Variants in CADM2 observed in about 807,000 individuals in gnomAD.
CADM2 encodes the protein immunoglobulin superfamily member 4D.
Under a neutral mutation model 49.8 loss-of-function variants are expected in CADM2, and 12 were observed. That is an observed-to-expected ratio of 0.24 (90% CI 0.15 to 0.39). The LOEUF is 0.39. Among genes scored for constraint, CADM2 ranks in the 10% least tolerant of loss-of-function variants. The pLI is 1.00. For missense variants in CADM2, 378 were observed against 492.3 expected, an observed-to-expected ratio of 0.77 and a Z score of 2.20; for synonymous variants, 214 against 175.4, an observed-to-expected ratio of 1.22 and a Z score of -1.74.
intron 1 of CADM2, among the ~76,000 whole-genome samples, chr3:85,672,107 C>A (rs1374521779): frequency 6.6e-6 from 1 of 150,688 alleles, no homozygotes; most frequent in African/African-American, 2.4e-5. Context: ...TTGGAAGTCT[C>A]ATATAGTTAT....
intron 2 of CADM2, among the ~76,000 whole-genome samples, chr3:85,743,932 A>G (rs1309796688): frequency 6.6e-6 from 1 of 152,188 alleles, no homozygotes; most frequent in Non-Finnish European, 1.5e-5. Context: ...AATAATTATT[A>G]GGCAAGTTCT....
intron 1 of CADM2, among the ~76,000 whole-genome samples, chr3:85,469,746 C>T (rs1170416076): frequency 1.3e-5 from 2 of 152,110 alleles, no homozygotes; most frequent in Non-Finnish European, 2.9e-5. Flanking sequence ...AACTCCTGTC[C>T]TTCCAAGTAG....
intron 1 of CADM2, among the ~76,000 whole-genome samples, chr3:85,676,128 G>T (rs1025949352): frequency 3.3e-5 from 5 of 152,166 alleles, no homozygotes; most frequent in Non-Finnish European, 7.3e-5. Flanking sequence ...CCCATTGATA[G>T]GGTCTGTTGC....
chr3:85,143,713 A>T (rs892545732), intron 1 of CADM2, among the ~76,000 whole-genome samples: 1 of 152,062 alleles, frequency 6.6e-6, no homozygotes, highest in Middle Eastern at 3.2e-3. Flanking sequence ...AAAAAAGTAA[A>T]TTCTCATCTT....
At chr3:85,818,629 C>T (rs533751554) in intron 3 of CADM2, among the ~76,000 whole-genome samples, 1 of 152,176 alleles carries the variant, frequency 6.6e-6, no homozygotes, top group South Asian at 2.1e-4. Flanking sequence ...TTGCTTCTGC[C>T]ATTGAATAGC....
In CADM2 at chr3:85,469,273, A is replaced by G. The variant is rs183161315; in HGVS notation, c.62-257249A>G. The stretch of plus-strand genomic sequence containing the variant: ...CAAATTATCTGTGGAAATGGGCAAA[A>G]GTGGTGCAGTAATTTAAAATCAAAT... On this transcript the variant is annotated intron_variant, in intron 1 of 9. Coordinates refer to ENST00000383699, the MANE Select transcript of CADM2 (RefSeq NM_001167675.2). 2.0e-5 allele frequency among the ~76,000 whole-genome samples: 3 copies of G among 152,304 alleles called. No individual in the cohort carries two copies. In the East Asian group the frequency reaches 5.8e-4, roughly 29 times the overall value.
At chr3:85,186,471 A>C (rs2041067773) in intron 1 of CADM2, among the ~76,000 whole-genome samples, 1 of 152,146 alleles carries the variant, frequency 6.6e-6, no homozygotes, top group South Asian at 2.1e-4. Context: ...GATACATTTT[A>C]ACCTTTTCAG....
At chr3:85,568,324 G>A (rs1341070486) in intron 1 of CADM2, among the ~76,000 whole-genome samples, 1 of 152,076 alleles carries the variant, frequency 6.6e-6, no homozygotes, top group Non-Finnish European at 1.5e-5. Context: ...TAGTTTATAG[G>A]GTAGAAGTAG....
At chr3:86,019,932 T>G (rs1577971525) in intron 8 of CADM2, among the ~76,000 whole-genome samples, 1 of 152,062 alleles carries the variant, frequency 6.6e-6, no homozygotes, top group Admixed American at 6.5e-5. Context: ...TTAAAAGAAC[T>G]AGAAAAGCAA....
At chr3:85,065,798 A>T (rs899562890) in intron 1 of CADM2, among the ~76,000 whole-genome samples, 2 of 152,212 alleles carry the variant, frequency 1.3e-5, no homozygotes, top group African/African-American at 4.8e-5. Flanking sequence ...AAGTGTGTAT[A>T]CCACAGACTC....
intron 8 of CADM2, among the ~76,000 whole-genome samples, chr3:86,040,192 G>A (rs1456190963): frequency 1.3e-5 from 2 of 152,042 alleles, no homozygotes; most frequent in East Asian, 1.9e-4. Flanking sequence ...TCCTCCAAAG[G>A]AACACACCTC....
At chr3:85,390,109 C>A (rs2034447718) in intron 1 of CADM2, among the ~76,000 whole-genome samples, 1 of 151,838 alleles carries the variant, frequency 6.6e-6, no homozygotes, top group African/African-American at 2.4e-5. Context: ...AATGGTTTGG[C>A]TTATACATTT....
chr3:85,984,317 T>A (rs1727832742), intron 8 of CADM2, among the ~76,000 whole-genome samples: 2 of 151,260 alleles, frequency 1.3e-5, no homozygotes, highest in African/African-American at 4.8e-5. Flanking sequence ...ATATAAGCAT[T>A]ATTTTAGCAT....
intron 8 of CADM2, among the ~76,000 whole-genome samples, chr3:86,024,774 A>G (rs900535040): frequency 6.6e-6 from 1 of 152,144 alleles, no homozygotes; most frequent in Non-Finnish European, 1.5e-5. Context: ...AAGACCGAAT[A>G]AAAATGAAGG....
chr3:85,484,192 C>A (rs2039326321), intron 1 of CADM2, among the ~76,000 whole-genome samples: 2 of 151,930 alleles, frequency 1.3e-5, no homozygotes, highest in Non-Finnish European at 2.9e-5. Flanking sequence ...TTGAGCAATA[C>A]CCTTTGAATG....
chr3:85,867,188 C>G (rs1350585488), intron 3 of CADM2, among the ~76,000 whole-genome samples: 1 of 152,016 alleles, frequency 6.6e-6, no homozygotes, highest in East Asian at 1.9e-4. Flanking sequence ...ATGTCTAAGA[C>G]AGTGTCTATG....
rs1447470191 is a variant in CADM2 at position 86,073,397 on chromosome 3, T to G, written c.*6614T>G. On this transcript the variant is annotated 3_prime_UTR_variant, in exon 10 of 10. Transcript: ENST00000383699. ...AATAGAGAAACACAGTTATTGAATC[T>G]ACTCTTGTCATTAACATTTTCAAAA... The G allele has an allele frequency of 2.0e-5, 3 of 152,072 alleles. No homozygotes were observed. Among genetic ancestry groups the G allele is most frequent in the Admixed American group, 6.6e-5 (1 of 15,254 alleles). The allele number at this position is 152,072 out of a possible 1,614,324, so 9.4% of individuals were successfully genotyped here.
intron 3 of CADM2, among the ~76,000 whole-genome samples, chr3:85,818,451 C>T (rs2073354173): frequency 6.6e-6 from 1 of 152,162 alleles, no homozygotes; most frequent in African/African-American, 2.4e-5. Flanking sequence ...CTGGCAGCTA[C>T]TTTTACTTTG....
At position 85,953,526 on chromosome 3, in the gene CADM2, C is replaced by T. The variant is rs543919808; in HGVS notation, c.792-7943C>T. 6.0e-5 allele frequency among the ~76,000 whole-genome samples: 9 copies of T among 150,824 alleles called. 1 individual carries two copies. The highest frequency in any genetic ancestry group is 2.2e-4 in the African/African-American group (9 of 41,382). Reference sequence around the variant, plus strand: ...TCAAAATTCTGCTATAATTAAACACCGTAATCAAGAGTTTTATTTTTCATA... The same window carrying T: ...TCAAAATTCTGCTATAATTAAACACTGTAATCAAGAGTTTTATTTTTCATA... On this transcript the variant is annotated intron_variant, in intron 7 of 9. Transcript: ENST00000383699.
Sources: allele counts gnomAD v4.1 joint callset (sites outside exome capture counted in the v4.1 genomes callset), GRCh38; gene constraint gnomAD v4.1.1; transcripts MANE v1.5; gene names NCBI Gene and HGNC (gene_info 2026-07-23, HGNC 2026-07-21).